Variants in CENPP observed in about 807,000 individuals in gnomAD.
The protein encoded by CENPP is centromere protein P.
In CENPP, 24 loss-of-function variants were observed where a neutral mutation model predicts 35.6. That is an observed-to-expected ratio of 0.67 (90% CI 0.49 to 0.95). The LOEUF (loss-of-function observed/expected upper bound fraction) is 0.95. Ranked by LOEUF, CENPP falls within the 40% of genes least tolerant of loss-of-function variation. The pLI, the probability that CENPP is intolerant of heterozygous loss-of-function variation, is 0.00. For missense variants in CENPP, 332 were observed against 345.3 expected (o/e 0.96, Z 0.31); for synonymous variants, 120 against 125.5 (o/e 0.96, Z 0.29).
chr9:92,511,428 T>A lies in CENPP; in HGVS notation c.565-99886T>A, dbSNP rs569320152. Among the ~76,000 whole-genome samples the A allele has an allele frequency of 9.0e-5, 5 of 55,762 alleles. No individual in the cohort carries two copies. In the African/African-American group the frequency reaches 9.5e-4, roughly 11 times the overall value. 36.6% of individuals were successfully genotyped at this position (55,762 alleles called of 152,430 possible). A position where few individuals can be genotyped will look rare whatever the true frequency, so the allele number is the denominator to read the frequency against. ...GCATGAGCCACTGTGCCTGGCCTGT[T>A]TTTTTTTTTTTTTAAATATATAATT... On this transcript the variant is annotated intron_variant, in intron 5 of 7. Coordinates refer to ENST00000375587, the MANE Select transcript of CENPP (RefSeq NM_001012267.3).
intron 5 of CENPP, among the ~76,000 whole-genome samples, chr9:92,419,973 CTTGTCAGAAATTATAA>C (rs959980837): frequency 6.6e-6 from 1 of 152,084 alleles, no homozygotes; most frequent in Non-Finnish European, 1.5e-5. Context: ...TTCTTCTTTT[CTTGTCAGAAATTATAA>C]ATGTAACTAT....
At chr9:92,474,987 C>G (rs1325235891) in intron 5 of CENPP, 4 of 1,408,946 alleles carry the variant, frequency 2.8e-6, no homozygotes, top group Non-Finnish European at 3.7e-6. Context: ...ATACATTTCT[C>G]AGTTCTGGCA....
chr9:92,556,736 A>G (rs894705498), intron 5 of CENPP, among the ~76,000 whole-genome samples: 1 of 152,130 alleles, frequency 6.6e-6, no homozygotes, highest in South Asian at 2.1e-4. Context: ...TTATGTGTTA[A>G]GTGAGTCTCC....
intron 5 of CENPP, chr9:92,415,085 T>C (rs1843549427): frequency 8.5e-7 from 1 of 1,182,208 alleles, no homozygotes; most frequent in Admixed American, 2.6e-5. Flanking sequence ...AATACATGTT[T>C]ACTTAGATTT....
intron 4 of CENPP, among the ~76,000 whole-genome samples, chr9:92,351,242 G>A (rs919495883): frequency 6.6e-6 from 1 of 152,094 alleles, no homozygotes; most frequent in Non-Finnish European, 1.5e-5. Context: ...TATAATCCCA[G>A]CACTTTGGGA....
rs1053429171 is a variant in CENPP, at chr9:92,481,544, A to T, written c.564+101685A>T. Among the ~76,000 whole-genome samples, 40 of 152,238 alleles carry T rather than the reference A, an allele frequency of 2.6e-4. 1 individual carries two copies. The highest frequency in any genetic ancestry group is 7.3e-5 in the Non-Finnish European group (5 of 68,042). On this transcript the variant is annotated intron_variant, in intron 5 of 7. Coordinates refer to ENST00000375587, the MANE Select transcript of CENPP (RefSeq NM_001012267.3). ...TATTTAGATTACTAGGGAGTAGAAT[A>T]TTGAATACATTGCTTAAATTTTTTA... is the stretch of plus-strand genomic sequence containing the variant.
At chr9:92,417,339 A>G in intron 5 of CENPP, 2 of 1,614,058 alleles carry the variant, frequency 1.2e-6, no homozygotes, top group Non-Finnish European at 1.7e-6. Context: ...TACATTGATG[A>G]TGGAAAGTTA....
At position 92,615,247 on chromosome 9, in the gene CENPP, AC is replaced by A. The variant is rs1345822868; in HGVS notation, c.*2100del. Reference sequence around the variant, plus strand: ...CCTGTGTGGAACTGTGGGCTTCAGCACCTCCACAGGGACCCTGAGTCTACAC... The same window carrying A: ...CCTGTGTGGAACTGTGGGCTTCAGCACTCCACAGGGACCCTGAGTCTACAC... On this transcript the variant is annotated 3_prime_UTR_variant, in exon 8 of 8. Transcript: ENST00000375587. 2.0e-5 allele frequency: 3 copies of A among 153,072 alleles called. No individual in the cohort carries two copies. The East Asian group carries it at 5.9e-4, about 30-fold the overall frequency. The allele number at this position is 153,072 out of a possible 1,614,324, so 9.5% of individuals were successfully genotyped here. A position where few individuals can be genotyped will look rare whatever the true frequency, so the allele number is the denominator to read the frequency against.
intron 5 of CENPP, among the ~76,000 whole-genome samples, chr9:92,450,886 C>A (rs1055528917): frequency 7.2e-5 from 11 of 152,106 alleles, no homozygotes; most frequent in African/African-American, 1.4e-4. Flanking sequence ...TGGCTGCATA[C>A]ATGTCTTCTT....
At chr9:92,374,240 G>GCT (rs1223348834) in intron 4 of CENPP, among the ~76,000 whole-genome samples, 5 of 102,104 alleles carry the variant, frequency 4.9e-5, no homozygotes, top group East Asian at 2.9e-4. Flanking sequence ...TTTGCTGTTT[G>GCT]CTGTGTGTGT....
chr9:92,523,027 A>T lies in CENPP; in HGVS notation c.565-88287A>T, dbSNP rs1348895775. On this transcript the variant is annotated intron_variant, in intron 5 of 7. Transcript: ENST00000375587. ...ACTTATGATATATGGACTATATGCT[A>T]TAGTATTATTGCCAAATCATAATTT... The T allele has an allele frequency of 1.0e-5, 9 of 862,796 alleles. No homozygotes were observed. In the South Asian group the frequency reaches 1.8e-4, roughly 17 times the overall value. The allele number at this position is 862,796 out of a possible 1,614,324, so 53.4% of individuals were successfully genotyped here. A position where few individuals can be genotyped will look rare whatever the true frequency, so the allele number is the denominator to read the frequency against.
intron 1 of CENPP, among the ~76,000 whole-genome samples, chr9:92,329,723 T>G (rs550682568): frequency 8.0e-5 from 12 of 150,862 alleles, no homozygotes; most frequent in Admixed American, 2.0e-4. Flanking sequence ...CCAGATAATT[T>G]TGTGTGTGTG....
intron 1 of CENPP, among the ~76,000 whole-genome samples, chr9:92,329,411 C>G (rs559039948): frequency 6.6e-6 from 1 of 152,288 alleles, no homozygotes; most frequent in East Asian, 1.9e-4. Context: ...GTCTCGAACT[C>G]TTGACCTCAG....
rs184448280 is a variant in CENPP at position 92,573,086 on chromosome 9, T to G, written c.565-38228T>G. ...TTGTTATTACCAGTCGTCTGAAGCC[T>G]TCTTCTCTCAACTCGTCAAAGTCAT... On this transcript the variant is annotated intron_variant, in intron 5 of 7. Coordinates refer to ENST00000375587, the MANE Select transcript of CENPP (RefSeq NM_001012267.3). Among the ~76,000 whole-genome samples the G allele has an allele frequency of 3.4e-4, 52 of 152,358 alleles. No individual in the cohort carries two copies. The East Asian group carries it at 9.4e-3, about 28-fold the overall frequency.
chr9:92,331,771 G>A (rs35040624), intron 1 of CENPP, among the ~76,000 whole-genome samples: 1 of 152,116 alleles, frequency 6.6e-6, no homozygotes, highest in Non-Finnish European at 1.5e-5. Context: ...GACCAGCCTA[G>A]GTAATAAAGC....
chr9:92,439,796 A>T (rs1426037926), intron 5 of CENPP, among the ~76,000 whole-genome samples: 1 of 152,238 alleles, frequency 6.6e-6, no homozygotes, highest in Non-Finnish European at 1.5e-5. Context: ...ATATTACTAC[A>T]AGTACCATTT....
intron 4 of CENPP, among the ~76,000 whole-genome samples, chr9:92,363,836 G>T (rs553382877): frequency 4.1e-5 from 6 of 147,336 alleles, no homozygotes; most frequent in Admixed American, 1.4e-4. Context: ...ATCCTATTGG[G>T]TTTTTTTTTT....
At chr9:92,548,253 CTT>C (rs1447695968) in intron 5 of CENPP, among the ~76,000 whole-genome samples, 1 of 152,120 alleles carries the variant, frequency 6.6e-6, no homozygotes, top group African/African-American at 2.4e-5. Flanking sequence ...TGAAAGCTCT[CTT>C]GCTGGTACTT....
At chr9:92,334,264 G>A (rs1840850409) in intron 2 of CENPP, among the ~76,000 whole-genome samples, 2 of 152,046 alleles carry the variant, frequency 1.3e-5, no homozygotes, top group Admixed American at 6.5e-5. Flanking sequence ...GGGACTACAG[G>A]CACGCAGTGC....
Sources: allele counts gnomAD v4.1 joint callset (sites outside exome capture counted in the v4.1 genomes callset), GRCh38; gene constraint gnomAD v4.1.1; transcripts MANE v1.5; gene names NCBI Gene and HGNC (gene_info 2026-07-23, HGNC 2026-07-21).